VWA7: variants seen among roughly 807,000 people sequenced by gnomAD.
The protein encoded by VWA7 is von Willebrand factor A domain containing 7.
Under a neutral mutation model 83.1 loss-of-function variants are expected in VWA7, and 66 were observed. The ratio of observed to expected loss-of-function variants is 0.79; its 90% CI spans 0.65 to 0.98. The LOEUF is 0.98. Ranked by LOEUF, VWA7 falls within the 50% of genes least tolerant of loss-of-function variation. The pLI is 0.00. For missense variants in VWA7, 1,080 were observed against 1,160.2 expected (o/e 0.93, Z 1.00); for synonymous variants, 424 against 488.5 (o/e 0.87, Z 1.74).
At position 31,775,446 on chromosome 6, in the gene VWA7, GAGA is replaced by G; in HGVS notation, c.514-20_514-18del. ...GTAGAAATCCTGGTCCGGAGGACAG[GAGA>G]AGGGGAGTGAGGCACTAGTCTGGCC... is the stretch of plus-strand genomic sequence containing the variant. On this transcript the variant is annotated intron_variant, in intron 3 of 16. Transcript: ENST00000375688. The surrounding 1 kb of genome is among the most constrained non-coding windows in gnomAD (Gnocchi z 5.9). 1 of 1,607,692 alleles carries G rather than the reference GAGA, an allele frequency of 6.2e-7. No individual in the cohort carries two copies.
chr6:31,766,201 C>A lies in VWA7; in HGVS notation c.2324+44G>T. ...GGGCAGGGCTTGGGATAAGCATTGG[C>A]CGGGCAAGATGCCAGAGGGAGCTGG... is the stretch of plus-strand genomic sequence containing the variant. On this transcript the variant is annotated intron_variant, in intron 15 of 16. Transcript: ENST00000375688. The surrounding 1 kb of genome is among the most constrained non-coding windows in gnomAD (Gnocchi z 4.9). 6.2e-7 allele frequency: 1 copy of A among 1,605,486 alleles called. No individual in the cohort carries two copies. Among genetic ancestry groups the A allele is most frequent in the Non-Finnish European group, 8.5e-7 (1 of 1,176,210 alleles).
chr6:31,776,489 A>G lies in VWA7; in HGVS notation c.234+57T>C. On this transcript the variant is annotated intron_variant, in intron 2 of 16. Transcript: ENST00000375688. This position sits in a 1 kb window ranked among gnomAD's most constrained non-coding sequence, Gnocchi z 6.2. ...GGCAACCAGAGCCCTCAAGGAGTAGAGGCCCCATGGAATTGGGGACTCTGG... is the reference window on the plus strand; with the variant it reads ...GGCAACCAGAGCCCTCAAGGAGTAGGGGCCCCATGGAATTGGGGACTCTGG... The G allele has an allele frequency of 7.0e-7, 1 of 1,431,414 alleles. No homozygotes were observed. 88.7% of individuals were successfully genotyped at this position (1,431,414 alleles called of 1,614,324 possible). A position where few individuals can be genotyped will look rare whatever the true frequency, so the allele number is the denominator to read the frequency against.
chr6:31,769,602 T>C lies in VWA7; in HGVS notation c.1317+73A>G, dbSNP rs1811970535. The stretch of plus-strand genomic sequence containing the variant: ...CACCATAGTGTGGTGCAACCCTCGT[T>C]ATGAGATTGTCATCACAGGGTCTCT... On this transcript the variant is annotated intron_variant, in intron 9 of 16. Transcript: ENST00000375688. The surrounding 1 kb of genome is among the most constrained non-coding windows in gnomAD (Gnocchi z 4.5). 2 of 1,389,738 alleles carry C rather than the reference T, an allele frequency of 1.4e-6. No individual in the cohort carries two copies. Among genetic ancestry groups the C allele is most frequent in the Non-Finnish European group, 2.0e-6 (2 of 981,896 alleles). 86.1% of individuals were successfully genotyped at this position (1,389,738 alleles called of 1,614,324 possible).
At position 31,769,604 on chromosome 6, in the gene VWA7, T is replaced by C; in HGVS notation, c.1317+71A>G. On this transcript the variant is annotated intron_variant, in intron 9 of 16. Transcript: ENST00000375688. This position sits in a 1 kb window ranked among gnomAD's most constrained non-coding sequence, Gnocchi z 4.5. ...CCATAGTGTGGTGCAACCCTCGTTA[T>C]GAGATTGTCATCACAGGGTCTCTCA... The C allele has an allele frequency of 2.1e-6, 3 of 1,402,438 alleles. No homozygotes were observed. The highest frequency in any genetic ancestry group is 3.0e-6 in the Non-Finnish European group (3 of 992,856). 86.9% of individuals were successfully genotyped at this position (1,402,438 alleles called of 1,614,324 possible). A position where few individuals can be genotyped will look rare whatever the true frequency, so the allele number is the denominator to read the frequency against.
chr6:31,770,142 G>C lies in VWA7; in HGVS notation c.1088-29C>G, dbSNP rs774348067. The C allele has an allele frequency of 6.3e-6, 10 of 1,589,402 alleles. No homozygotes were observed. In the African/African-American group the frequency reaches 1.3e-4, roughly 21 times the overall value. ...GGAAGGGGAAAGGAGGTTAAGATAA[G>C]TGAGGAAAGAGCTCCCCTCATTCTT... On this transcript the variant is annotated intron_variant, in intron 7 of 16. Coordinates refer to ENST00000375688, the MANE Select transcript of VWA7 (RefSeq NM_025258.3).
In VWA7 at chr6:31,769,230, TGGG is replaced by T; in HGVS notation, c.1318-30_1318-28del. ...TGTACCCAGAAGAGAGCTCAGTGATTGGGGTGTCCAAGTGCCATCCACTATTAT... is the reference window on the plus strand; with the variant it reads ...TGTACCCAGAAGAGAGCTCAGTGATTGTGTCCAAGTGCCATCCACTATTAT... On this transcript the variant is annotated intron_variant, in intron 9 of 16. Transcript: ENST00000375688. The surrounding 1 kb of genome is among the most constrained non-coding windows in gnomAD (Gnocchi z 4.5). 6.2e-7 allele frequency: 1 copy of T among 1,601,756 alleles called. No individual in the cohort carries two copies.
Position 31,777,263 on chromosome 6 carries a change from G to A in VWA7, c.-170C>T. ...ACCCCTGGCCCTTTCGCTCCTGCCT[G>A]CCCAAAGCCACAGGCAGCAGCCCAC... On this transcript the variant is annotated 5_prime_UTR_variant, in exon 1 of 17. Transcript: ENST00000375688. The surrounding 1 kb of genome is among the most constrained non-coding windows in gnomAD (Gnocchi z 5.8). 1 of 485,012 alleles carries A rather than the reference G, an allele frequency of 2.1e-6. No homozygotes were observed. 30.0% of individuals were successfully genotyped at this position (485,012 alleles called of 1,614,324 possible). A position where few individuals can be genotyped will look rare whatever the true frequency, so the allele number is the denominator to read the frequency against.
In VWA7 at chr6:31,774,619, A is replaced by G; in HGVS notation, c.618T>C (p.Asp206=). 3.7e-6 allele frequency: 6 copies of G among 1,611,686 alleles called. No individual in the cohort carries two copies. Among genetic ancestry groups the G allele is most frequent in the African/African-American group, 1.3e-5 (1 of 74,912 alleles). The part of the protein sequence containing the change: ...QELQNLAQVA[D]PTCSDCEELS... ...ACTCCTCGCAATCGGAGCAGGTAGGATCGGCCACTGGGAAGAGAGGGCAGG... is the reference window on the plus strand; with the variant it reads ...ACTCCTCGCAATCGGAGCAGGTAGGGTCGGCCACTGGGAAGAGAGGGCAGG... The change falls in exon 5 of 17, where the codon GAT becomes GAC. Residue 206 remains aspartate (D), a synonymous_variant. Coordinates refer to ENST00000375688, the MANE Select transcript of VWA7 (RefSeq NM_025258.3).
At chr6:31,767,859 G>A (rs983104136) in intron 10 of VWA7, 105 bp from the exon 11 acceptor site, 20 of 1,377,256 alleles carry the variant, frequency 1.5e-5, no homozygotes, top group Admixed American at 4.7e-5. Context: ...TGGGCCGGGC[G>A]CAGTTGGTCA....
chr6:31,766,125 G>A lies in VWA7; in HGVS notation c.2325-68C>T. 1.3e-6 allele frequency: 2 copies of A among 1,598,546 alleles called. No individual in the cohort carries two copies. The highest frequency in any genetic ancestry group is 1.7e-6 in the Non-Finnish European group (2 of 1,171,150). On this transcript the variant is annotated intron_variant, in intron 15 of 16. Coordinates refer to ENST00000375688, the MANE Select transcript of VWA7 (RefSeq NM_025258.3). This position sits in a 1 kb window ranked among gnomAD's most constrained non-coding sequence, Gnocchi z 4.9. ...AGAGCCTAGAGTCGGGACGCCTGCA[G>A]GGGCACGGGAGCGGAGAGGAGGATT... is the stretch of plus-strand genomic sequence containing the variant.
chr6:31,774,600 C>T lies in VWA7; in HGVS notation c.637G>A (p.Glu213Lys), dbSNP rs753769243. The change falls in exon 5 of 17, where the codon GAG (glutamate) becomes AAG (lysine). Residue 213 changes from glutamate to lysine, a missense_variant. Transcript: ENST00000375688. ...CAATTCCTGGGGCAGCTCAACTCCT[C>T]GCAATCGGAGCAGGTAGGATCGGCC... ...QVADPTCSDC[E>K]ELSCPRNWLG... 6.2e-6 allele frequency: 10 copies of T among 1,612,544 alleles called. No individual in the cohort carries two copies. The highest frequency in any genetic ancestry group is 5.5e-5 in the South Asian group (5 of 91,046).
chr6:31,774,411 C>G (rs1812492749), intron 5 of VWA7, 105 bp downstream of exon 5: 1 of 1,110,720 alleles, frequency 9.0e-7, no homozygotes, highest in East Asian at 2.5e-5. Flanking sequence ...ATCCTCTCCT[C>G]CTAGGAGGAG....
chr6:31,765,785 A>G lies in VWA7; in HGVS notation c.2500-15T>C. 1 of 1,584,502 alleles carries G rather than the reference A, an allele frequency of 6.3e-7. No homozygotes were observed. Among genetic ancestry groups the G allele is most frequent in the Middle Eastern group, 1.7e-4 (1 of 5,930 alleles). ...GTGTGCCGGTCCTGTGGGGAAAAGG[A>G]AGAGAATGACAGGGTGTGCTAGAGC... is the stretch of plus-strand genomic sequence containing the variant. On this transcript the variant is annotated splice_polypyrimidine_tract_variant and intron_variant, in intron 16 of 16. Coordinates refer to ENST00000375688, the MANE Select transcript of VWA7 (RefSeq NM_025258.3).
chr6:31,769,921 A>G lies in VWA7; in HGVS notation c.1200+80T>C, dbSNP rs1812007640. On this transcript the variant is annotated intron_variant, in intron 8 of 16. Coordinates refer to ENST00000375688, the MANE Select transcript of VWA7 (RefSeq NM_025258.3). This position sits in a 1 kb window ranked among gnomAD's most constrained non-coding sequence, Gnocchi z 4.5. ...TGAAGCTAGTGGATCTAGGTGCTGA[A>G]GGTGGTGGGGAGCCCCAGGAGGGAT... The G allele has an allele frequency of 8.6e-6, 13 of 1,507,396 alleles. No homozygotes were observed. The highest frequency in any genetic ancestry group is 1.1e-5 in the South Asian group (1 of 87,918). The allele number at this position is 1,507,396 out of a possible 1,614,324, so 93.4% of individuals were successfully genotyped here. A position where few individuals can be genotyped will look rare whatever the true frequency, so the allele number is the denominator to read the frequency against.
chr6:31,774,964 AAAAC>A (rs1462035020), intron 4 of VWA7, among the ~76,000 whole-genome samples: 1 of 152,156 alleles, frequency 6.6e-6, no homozygotes, highest in Non-Finnish European at 1.5e-5. Context: ...TAATAAGAAA[AAAAC>A]AAACACAGTA....
chr6:31,769,931 G>A lies in VWA7; in HGVS notation c.1200+70C>T. On this transcript the variant is annotated intron_variant, in intron 8 of 16. Transcript: ENST00000375688. The surrounding 1 kb of genome is among the most constrained non-coding windows in gnomAD (Gnocchi z 4.5). ...GGATCTAGGTGCTGAAGGTGGTGGG[G>A]AGCCCCAGGAGGGATCTAGCTCCCC... 6 of 1,532,198 alleles carry A rather than the reference G, an allele frequency of 3.9e-6. No individual in the cohort carries two copies. In the South Asian group the frequency reaches 4.5e-5, roughly 12 times the overall value. 94.9% of individuals were successfully genotyped at this position (1,532,198 alleles called of 1,614,324 possible).
chr6:31,772,584 CTTTTTTT>C (rs9279415), intron 7 of VWA7, among the ~76,000 whole-genome samples: 3 of 35,074 alleles, frequency 8.6e-5, no homozygotes, highest in Non-Finnish European at 1.4e-4. Flanking sequence ...TCTTTCTTTT[CTTTTTTT>C]TTTTTTTTTT....
chr6:31,765,883 C>G lies in VWA7; in HGVS notation c.2499G>C (p.Gln833His), dbSNP rs747499425. The change falls in exon 16 of 17, where the codon CAG (glutamine) becomes CAC (histidine). Residue 833 changes from glutamine (Q) to histidine (H), a missense_variant and splice_region_variant. Gln to His is a conservative substitution (Grantham distance 24, BLOSUM62 0). Transcript: ENST00000375688. ...GTGATGGAAAGTAGTGGTTCCTCAC[C>G]TGCGGGGCTGGGGCCGATACCAGGA... is the stretch of plus-strand genomic sequence containing the variant. Reference protein sequence around the residue: ...LRLLVSAPAPQDRHTTPTGSS... With the variant: ...LRLLVSAPAPHDRHTTPTGSS... 12 of 1,612,926 alleles carry G rather than the reference C, an allele frequency of 7.4e-6. No individual in the cohort carries two copies. The highest frequency in any genetic ancestry group is 1.0e-5 in the Non-Finnish European group (12 of 1,179,996).
In VWA7 at chr6:31,773,573, G is replaced by A. The variant is rs111413333; in HGVS notation, c.722-136C>T. Reference sequence around the variant, plus strand: ...AGCAAGAAATGATGACGGGGTTGGCGCGGTGGCTCACGCCTGGAATCCCAG... The same window carrying A: ...AGCAAGAAATGATGACGGGGTTGGCACGGTGGCTCACGCCTGGAATCCCAG... On this transcript the variant is annotated intron_variant, in intron 5 of 16. Transcript: ENST00000375688. The surrounding 1 kb of genome is among the most constrained non-coding windows in gnomAD (Gnocchi z 5.3). The A allele has an allele frequency of 7.3e-5, 68 of 935,274 alleles. No individual in the cohort carries two copies. The highest frequency in any genetic ancestry group is 5.7e-5 in the South Asian group (3 of 52,518). The allele number at this position is 935,274 out of a possible 1,614,324, so 57.9% of individuals were successfully genotyped here.
Sources: allele counts gnomAD v4.1 joint callset (sites outside exome capture counted in the v4.1 genomes callset), GRCh38; gene constraint gnomAD v4.1.1; non-coding constraint Gnocchi (gnomAD v3.1); transcripts MANE v1.5; gene names NCBI Gene and HGNC (gene_info 2026-07-23, HGNC 2026-07-21).